The following MID1 variants were observed in gnomAD, a reference collection of about 807,000 sequenced individuals.
MID1 encodes midline 1.
In MID1, 7 loss-of-function variants were observed where a neutral mutation model predicts 40.4. The ratio of observed to expected loss-of-function variants is 0.17; its 90% CI spans 0.10 to 0.33. The LOEUF is 0.33. MID1 is among the 10% of genes least tolerant of loss of function. MID1 has a pLI of 1.00. For missense variants in MID1, 367 were observed against 558.5 expected, an observed-to-expected ratio of 0.66 and a Z score of 3.46; for synonymous variants, 229 against 221.2, an observed-to-expected ratio of 1.04 and a Z score of -0.31.
At chrX:10,746,762 G>A (rs2043560387) in intron 1 of MID1, among the ~76,000 whole-genome samples, 1 of 109,366 alleles carries the variant, frequency 9.1e-6, no homozygotes, top group South Asian at 3.9e-4. Context: ...AGGCATTTTG[G>A]ATCTCACAGT....
intron 2 of MID1, among the ~76,000 whole-genome samples, chrX:10,559,721 C>A (rs1490448437): frequency 1.8e-5 from 2 of 111,443 alleles, no homozygotes; most frequent in African/African-American, 6.5e-5. Context: ...GTGCTTCCTG[C>A]CACCATCAAC....
intron 1 of MID1, among the ~76,000 whole-genome samples, chrX:10,698,019 G>A (rs1213966353): frequency 1.8e-5 from 2 of 112,770 alleles, no homozygotes; most frequent in Admixed American, 9.3e-5. Context: ...AGACTTCAAA[G>A]TATTGATGTG....
intron 1 of MID1, among the ~76,000 whole-genome samples, chrX:10,727,099 T>A (rs190259385): frequency 9.4e-6 from 1 of 106,381 alleles, no homozygotes; most frequent in East Asian, 2.8e-4. Flanking sequence ...TTCTATCTCA[T>A]CATGATTTTT....
At chrX:10,497,315 T>C (rs934338789) in intron 3 of MID1, among the ~76,000 whole-genome samples, 3 of 112,230 alleles carry the variant, frequency 2.7e-5, no homozygotes, top group Non-Finnish European at 5.6e-5. Context: ...CAAACTTTAG[T>C]GTTGAACTTT....
chrX:10,649,829 A>G (rs1936298847), intron 1 of MID1, among the ~76,000 whole-genome samples: 1 of 112,333 alleles, frequency 8.9e-6, no homozygotes, highest in Non-Finnish European at 1.9e-5. Context: ...GTGCTCACAT[A>G]TGAATTTATT....
At chrX:10,814,577 G>T (rs1237411572) in intron 1 of MID1, among the ~76,000 whole-genome samples, 18 of 22,361 alleles carry the variant, frequency 8.0e-4, no homozygotes, top group Non-Finnish European at 2.0e-4. Flanking sequence ...GCTTGTACTG[G>T]TGTGTGTGTG....
intron 2 of MID1, among the ~76,000 whole-genome samples, chrX:10,556,340 G>A (rs191134533): frequency 7.5e-4 from 83 of 111,120 alleles, no homozygotes; most frequent in Non-Finnish European, 1.1e-3. Context: ...CCTGCCACCC[G>A]CATCCCCAGA....
chrX:10,673,079 A>T (rs765337210), intron 1 of MID1, among the ~76,000 whole-genome samples: 1 of 112,073 alleles, frequency 8.9e-6, no homozygotes, highest in East Asian at 2.8e-4. Context: ...TGCTGACTAA[A>T]TAATTGTGTT....
chrX:10,624,841 TG>T (rs1935979633), upstream of MID1, among the ~76,000 whole-genome samples: 1 of 111,114 alleles, frequency 9.0e-6, no homozygotes, highest in East Asian at 2.8e-4. Context: ...CTTGAACTCC[TG>T]GGCTCAAGTG....
At chrX:10,591,024 A>G (rs947213571) in intron 1 of MID1, among the ~76,000 whole-genome samples, 5 of 111,909 alleles carry the variant, frequency 4.5e-5, no homozygotes, top group African/African-American at 6.5e-5. Context: ...TTAGACAAGA[A>G]GCTGGCTTTT....
intron 1 of MID1, among the ~76,000 whole-genome samples, chrX:10,680,378 T>A (rs764903301): frequency 1.8e-5 from 2 of 112,287 alleles, no homozygotes; most frequent in East Asian, 5.6e-4. Flanking sequence ...TTGACAAATA[T>A]GGAAGCAGAC....
At chrX:10,611,877 CA>C (rs1470804196) in intron 1 of MID1, among the ~76,000 whole-genome samples, 2 of 111,147 alleles carry the variant, frequency 1.8e-5, no homozygotes, top group African/African-American at 6.5e-5. Flanking sequence ...CTAATATTGA[CA>C]TAATTTCCAA....
chrX:10,533,760 T>C (rs1254049122), intron 2 of MID1, among the ~76,000 whole-genome samples: 2 of 111,726 alleles, frequency 1.8e-5, no homozygotes, highest in Admixed American at 1.9e-4. Context: ...TCCTGTTTTA[T>C]TTGTGTCTTT....
intron 1 of MID1, among the ~76,000 whole-genome samples, chrX:10,685,703 T>C (rs1165201645): frequency 1.8e-5 from 2 of 111,590 alleles, no homozygotes; most frequent in Admixed American, 9.6e-5. Context: ...TTGTTGAACC[T>C]AAGCATAAAA....
intron 1 of MID1, among the ~76,000 whole-genome samples, chrX:10,636,785 G>GATATATATAGATAT (rs1555911856): frequency 2.3e-5 from 1 of 42,719 alleles, no homozygotes; most frequent in Non-Finnish European, 4.0e-5. Flanking sequence ...CAACAATGGG[G>GATATATATAGATAT]ATATATATAT....
chrX:10,737,148 A>C (rs1262671630), intron 1 of MID1, among the ~76,000 whole-genome samples: 1 of 112,325 alleles, frequency 8.9e-6, no homozygotes, highest in Non-Finnish European at 1.9e-5. Context: ...ATTCTCAATC[A>C]AGAAGTTAGA....
intron 1 of MID1, among the ~76,000 whole-genome samples, chrX:10,787,338 G>A (rs2147137120): frequency 9.4e-6 from 1 of 106,875 alleles, no homozygotes; most frequent in Admixed American, 9.9e-5. Context: ...GGGGTAATGA[G>A]GGATCTATTT....
Position 10,739,118 on chromosome X carries a change from C to G in MID1, c.-187+94436G>C, listed in dbSNP as rs141593643. On this transcript the variant is annotated intron_variant, in intron 1 of 10. Coordinates refer to the MID1 transcript ENST00000380785. Reference sequence around the variant, plus strand: ...ATTTGCTTCTTTGAATAACAGAAAACCTGGTGTGTGTTGAGAAGCGGGTCA... The same window carrying G: ...ATTTGCTTCTTTGAATAACAGAAAAGCTGGTGTGTGTTGAGAAGCGGGTCA... Among the ~76,000 whole-genome samples the G allele has an allele frequency of 8.9e-3, 992 of 111,557 alleles. 21 individuals are homozygous for G. Among genetic ancestry groups the G allele is most frequent in the East Asian group, 0.073 (259 of 3,561 alleles).
intron 1 of MID1, among the ~76,000 whole-genome samples, chrX:10,820,859 C>T (rs2044169622): frequency 8.9e-6 from 1 of 112,540 alleles, no homozygotes; most frequent in African/African-American, 3.2e-5. Context: ...CCGTGTCAAA[C>T]TCATTTTCTG....
Sources: gnomAD v4.1 joint callset for allele counts (sites outside exome capture counted in the v4.1 genomes callset) on GRCh38, gnomAD v4.1.1 for gene constraint, MANE v1.5 for transcripts, NCBI Gene and HGNC (gene_info 2026-07-23, HGNC 2026-07-21) for gene names.